Variants in FSIP1 observed in about 807,000 individuals in gnomAD.
FSIP1 encodes the protein fibrous sheath interacting protein 1, also known as fibrous sheath-interacting protein 1.
Under a neutral mutation model 60.9 loss-of-function variants are expected in FSIP1, and 65 were observed. The observed-to-expected ratio is 1.07, with a 90% CI of 0.87 to 1.31. The LOEUF is 1.31. Ranked by LOEUF, FSIP1 falls within the 40% of genes most tolerant of loss-of-function variation. FSIP1 has a pLI of 0.00. For missense variants in FSIP1, 675 were observed against 665.5 expected, an observed-to-expected ratio of 1.01 and a Z score of -0.16; for synonymous variants, 209 against 221.2, an observed-to-expected ratio of 0.94 and a Z score of 0.49.
intron 5 of FSIP1, among the ~76,000 whole-genome samples, chr15:39,744,864 T>C (rs1595687092): frequency 2.7e-5 from 4 of 149,698 alleles, no homozygotes; most frequent in African/African-American, 9.8e-5. Context: ...AGCTCTCACA[T>C]GCCCCTGTGA....
chr15:39,769,211 A>G (rs28851224), intron 3 of FSIP1, among the ~76,000 whole-genome samples: 21,054 of 150,760 alleles, frequency 0.14, 1,748 homozygotes, highest in Admixed American at 0.26. Context: ...CCCGGGAGGC[A>G]GAGCTTGCAG....
intron 10 of FSIP1, among the ~76,000 whole-genome samples, chr15:39,667,689 C>G (rs1893553167): frequency 6.6e-6 from 1 of 152,078 alleles, no homozygotes; most frequent in South Asian, 2.1e-4. Context: ...GAGAGAGACC[C>G]AATCTATTCC....
At chr15:39,751,838 G>A (rs1162395560) in intron 5 of FSIP1, among the ~76,000 whole-genome samples, 1 of 151,940 alleles carries the variant, frequency 6.6e-6, no homozygotes, top group Non-Finnish European at 1.5e-5. Flanking sequence ...TTTGGGGAGA[G>A]GAAATGGGTA....
intron 10 of FSIP1, among the ~76,000 whole-genome samples, chr15:39,631,767 A>G (rs8040412): frequency 0.038 from 5,812 of 152,298 alleles, 393 homozygotes; most frequent in African/African-American, 0.13. Context: ...AATTATAGAA[A>G]CCTATTCAAG....
At position 39,738,163 on chromosome 15, in the gene FSIP1, G is replaced by T. The variant is rs754682028; in HGVS notation, c.819C>A (p.Asp273Glu). The T allele has an allele frequency of 1.2e-6, 2 of 1,612,760 alleles. No individual in the cohort carries two copies. The highest frequency in any genetic ancestry group is 1.7e-6 in the Non-Finnish European group (2 of 1,179,558). ...GCTCAACCAGCCTTTTCTTCTCTCT[G>T]TCAACCATAACCACTGGGTTTCTTG... ...KESRNPVVMV[D>E]REKKRLVELL... The change falls in exon 8 of 12, where the codon GAC becomes GAA. Residue 273 changes from aspartate to glutamate, a missense_variant. Transcript: ENST00000350221.
At chr15:39,602,110 T>C (rs142266222) in intron 11 of FSIP1, among the ~76,000 whole-genome samples, 184 of 152,258 alleles carry the variant, frequency 1.2e-3, no homozygotes, top group African/African-American at 4.1e-3. Flanking sequence ...TCTTTCTAGA[T>C]GCAATTAAAT....
At chr15:39,649,539 A>G (rs1892778198) in intron 10 of FSIP1, among the ~76,000 whole-genome samples, 2 of 152,212 alleles carry the variant, frequency 1.3e-5, no homozygotes, top group South Asian at 4.1e-4. Context: ...GCATTTATCT[A>G]GGCACATATA....
intron 10 of FSIP1, among the ~76,000 whole-genome samples, chr15:39,646,963 G>A (rs1892641750): frequency 6.6e-6 from 1 of 152,062 alleles, no homozygotes; most frequent in African/African-American, 2.4e-5. Context: ...AAATAAACCA[G>A]ACACAGAAAG....
At chr15:39,758,040 T>A (rs1897356134) in intron 5 of FSIP1, among the ~76,000 whole-genome samples, 1 of 152,130 alleles carries the variant, frequency 6.6e-6, no homozygotes, top group African/African-American at 2.4e-5. Flanking sequence ...AGCTTTCATA[T>A]CATTAAGTCC....
At chr15:39,670,098 T>G (rs1893656827) in intron 10 of FSIP1, among the ~76,000 whole-genome samples, 1 of 152,204 alleles carries the variant, frequency 6.6e-6, no homozygotes, top group South Asian at 2.1e-4. Context: ...GCTATCCAAG[T>G]GAGGATAAGT....
At position 39,710,348 on chromosome 15, in the gene FSIP1, TG is replaced by T. The variant is rs200441785; in HGVS notation, c.1188+3095del. Among the ~76,000 whole-genome samples the T allele has an allele frequency of 5.8e-3, 873 of 149,948 alleles. 7 individuals are homozygous for T. Among genetic ancestry groups the T allele is most frequent in the African/African-American group, 0.02 (822 of 40,570 alleles). ...ATATAAAAAAATTAGCTGGTCATGG[TG>T]GCACACACCTGTAGTCCTAACTACT... On this transcript the variant is annotated intron_variant, in intron 10 of 11. Coordinates refer to ENST00000350221, the MANE Select transcript of FSIP1 (RefSeq NM_152597.5).
chr15:39,638,746 G>A (rs1892233855), intron 10 of FSIP1, among the ~76,000 whole-genome samples: 1 of 152,044 alleles, frequency 6.6e-6, no homozygotes, highest in Admixed American at 6.6e-5. Flanking sequence ...ATAACAAGGA[G>A]GCAAACAGGG....
intron 10 of FSIP1, among the ~76,000 whole-genome samples, chr15:39,641,570 T>A (rs1301156715): frequency 6.6e-6 from 1 of 152,204 alleles, no homozygotes; most frequent in Non-Finnish European, 1.5e-5. Flanking sequence ...ATATGATGCA[T>A]AAAAATGATG....
At chr15:39,780,338 C>G (rs910376869) in intron 1 of FSIP1, among the ~76,000 whole-genome samples, 1 of 152,102 alleles carries the variant, frequency 6.6e-6, no homozygotes, top group East Asian at 1.9e-4. Flanking sequence ...CCCTGGCTAA[C>G]ACGGTGAAAC....
chr15:39,766,745 G>C (rs1897703089), intron 3 of FSIP1, among the ~76,000 whole-genome samples: 1 of 152,224 alleles, frequency 6.6e-6, no homozygotes, highest in African/African-American at 2.4e-5. Context: ...TAGATCATTA[G>C]AAGTGGCATA....
intron 5 of FSIP1, among the ~76,000 whole-genome samples, chr15:39,758,835 CACAG>C (rs1434302653): frequency 1.3e-5 from 2 of 151,976 alleles, no homozygotes; most frequent in Non-Finnish European, 2.9e-5. Context: ...TTAACATCAG[CACAG>C]ACAGAAATTT....
chr15:39,732,957 C>T (rs1896466060), intron 8 of FSIP1, among the ~76,000 whole-genome samples: 1 of 152,196 alleles, frequency 6.6e-6, no homozygotes, highest in African/African-American at 2.4e-5. Context: ...ACATTTGTCA[C>T]CATCCATCGG....
chr15:39,708,028 T>C (rs1895349101), intron 10 of FSIP1, among the ~76,000 whole-genome samples: 1 of 152,152 alleles, frequency 6.6e-6, no homozygotes, highest in Non-Finnish European at 1.5e-5. Flanking sequence ...GGAGAGACTG[T>C]CTGTGGGGGC....
At chr15:39,744,539 A>G (rs905272098) in intron 5 of FSIP1, among the ~76,000 whole-genome samples, 1 of 152,082 alleles carries the variant, frequency 6.6e-6, no homozygotes, top group African/African-American at 2.4e-5. Flanking sequence ...TGGAGGTGAA[A>G]TCCTGGAGGT....
Sources: gnomAD v4.1 joint callset for allele counts (sites outside exome capture counted in the v4.1 genomes callset) on GRCh38, gnomAD v4.1.1 for gene constraint, MANE v1.5 for transcripts, NCBI Gene and HGNC (gene_info 2026-07-23, HGNC 2026-07-21) for gene names.